The following COX10 variants were observed in gnomAD, a reference collection of about 807,000 sequenced individuals.
COX10 encodes the protein cytochrome c oxidase assembly factor heme A:farnesyltransferase COX10, also known as protoheme IX farnesyltransferase, mitochondrial.
Under a neutral mutation model 37.3 loss-of-function variants are expected in COX10, and 27 were observed. That is an observed-to-expected ratio of 0.72 (90% CI 0.53 to 1.00). The LOEUF is 1.00. COX10 is among the 50% of genes least tolerant of loss of function. COX10 has a pLI of 0.00. For synonymous variants in COX10, 222 were observed against 229.1 expected (o/e 0.97, Z 0.28); for missense variants, 475 against 563.2 (o/e 0.84, Z 1.59).
intron 4 of COX10, among the ~76,000 whole-genome samples, chr17:14,117,625 C>G (rs1916142446): frequency 6.6e-6 from 1 of 152,182 alleles, no homozygotes. Context: ...AACATGCAGA[C>G]AGGCAGGTGT....
intron 4 of COX10, among the ~76,000 whole-genome samples, chr17:14,119,775 T>A (rs1269859089): frequency 1.3e-5 from 2 of 151,722 alleles, no homozygotes; most frequent in African/African-American, 2.4e-5. Context: ...GAAAGGAGAG[T>A]GTTGAGTGAG....
intron 6 of COX10, among the ~76,000 whole-genome samples, chr17:14,197,690 A>G (rs1200000335): frequency 6.6e-6 from 1 of 152,058 alleles, no homozygotes; most frequent in Admixed American, 6.5e-5. Context: ...AATGAACTGT[A>G]AGCAGCTCAG....
At chr17:14,080,078 G>A (rs910151425) in intron 3 of COX10, among the ~76,000 whole-genome samples, 5 of 152,074 alleles carry the variant, frequency 3.3e-5, no homozygotes, top group Non-Finnish European at 5.9e-5. Context: ...TTGTACTCAC[G>A]TGAGTCTGCC....
At chr17:14,197,300 T>TGTG (rs1344361596) in intron 6 of COX10, among the ~76,000 whole-genome samples, 1 of 152,168 alleles carries the variant, frequency 6.6e-6, no homozygotes, top group Non-Finnish European at 1.5e-5. Context: ...TTGTGCTTTT[T>TGTG]GTGGTGGCTA....
intron 4 of COX10, among the ~76,000 whole-genome samples, chr17:14,131,879 C>G (rs1429054698): frequency 1.3e-5 from 2 of 151,888 alleles, no homozygotes; most frequent in Non-Finnish European, 2.9e-5. Flanking sequence ...GTACAAAGTC[C>G]TTTTCACTTA....
chr17:14,155,531 C>T (rs190185553), intron 4 of COX10, among the ~76,000 whole-genome samples: 37 of 151,780 alleles, frequency 2.4e-4, no homozygotes, highest in African/African-American at 7.2e-4. Flanking sequence ...CTGGCTAACA[C>T]GGTGAAACCC....
chr17:14,137,591 CATGTGGGTTATTAT>C (rs1904412074), intron 4 of COX10, among the ~76,000 whole-genome samples: 1 of 151,690 alleles, frequency 6.6e-6, no homozygotes, highest in South Asian at 2.1e-4. Context: ...TAATTCTTCC[CATGTGGGTTATTAT>C]ATATTTAATG....
At chr17:14,132,417 T>A (rs7213820) in intron 4 of COX10, among the ~76,000 whole-genome samples, 20,612 of 151,932 alleles carry the variant, frequency 0.14, 2,565 homozygotes, top group African/African-American at 0.33. Flanking sequence ...CACGAAGGTA[T>A]GATCCTTGTA....
chr17:14,168,904 CATT>C (rs1905371427), intron 5 of COX10, among the ~76,000 whole-genome samples: 1 of 152,238 alleles, frequency 6.6e-6, no homozygotes, highest in African/African-American at 2.4e-5. Flanking sequence ...TGGCAATTAA[CATT>C]ATGCTCTTCA....
At chr17:14,122,518 TGA>T in intron 4 of COX10, among the ~76,000 whole-genome samples, 1 of 152,134 alleles carries the variant, frequency 6.6e-6, no homozygotes, top group Non-Finnish European at 1.5e-5. Context: ...ATGATTCTGG[TGA>T]GAGATTTTTT....
At chr17:14,138,750 A>G (rs1904453967) in intron 4 of COX10, among the ~76,000 whole-genome samples, 1 of 152,156 alleles carries the variant, frequency 6.6e-6, no homozygotes, top group African/African-American at 2.4e-5. Context: ...TATTTTATAA[A>G]CAAGTGTCTT....
intron 5 of COX10, among the ~76,000 whole-genome samples, chr17:14,185,432 AAGGC>A (rs1197088750): frequency 6.6e-6 from 1 of 150,436 alleles, no homozygotes; most frequent in East Asian, 2.0e-4. Flanking sequence ...TATGAGCACT[AAGGC>A]AGAAAATCAT....
At chr17:14,085,991 G>T (rs536472885) in intron 3 of COX10, among the ~76,000 whole-genome samples, 102 of 152,196 alleles carry the variant, frequency 6.7e-4, no homozygotes, top group African/African-American at 2.4e-3. Context: ...GATTTGTATT[G>T]CTTTGTTGAT....
chr17:14,137,949 AGTT>A (rs1416872556), intron 4 of COX10, among the ~76,000 whole-genome samples: 4 of 94,224 alleles, frequency 4.2e-5, no homozygotes, highest in Non-Finnish European at 8.8e-5. Flanking sequence ...GACACAATTC[AGTT>A]TTTTTTTTTT....
rs79730216 is a variant in COX10, at chr17:14,074,963, C to G, written c.177+507C>G. Among the ~76,000 whole-genome samples, 634 of 152,180 alleles carry G rather than the reference C, an allele frequency of 4.2e-3. 22 individuals carry two copies. In the East Asian group the frequency reaches 0.074, roughly 18 times the overall value. ...TAGACATTGATAACATAAGTCAATC[C>G]AGGTTGACTCCATGAATTTGTGGGC... is the stretch of plus-strand genomic sequence containing the variant. On this transcript the variant is annotated intron_variant, in intron 2 of 6. Coordinates refer to ENST00000261643, the MANE Select transcript of COX10 (RefSeq NM_001303.4).
At chr17:14,176,174 G>A (rs1042413116) in intron 5 of COX10, among the ~76,000 whole-genome samples, 2 of 151,780 alleles carry the variant, frequency 1.3e-5, no homozygotes, top group African/African-American at 4.8e-5. Flanking sequence ...TCAAAATTCA[G>A]GCTGGCTACC....
At chr17:14,114,511 A>AT (rs1452974532) in intron 4 of COX10, among the ~76,000 whole-genome samples, 1 of 152,076 alleles carries the variant, frequency 6.6e-6, no homozygotes, top group Non-Finnish European at 1.5e-5. Flanking sequence ...TTCAGCATTC[A>AT]TTTTTAATAA....
At chr17:14,088,472 TTTC>T (rs1403118722) in intron 3 of COX10, among the ~76,000 whole-genome samples, 1 of 152,224 alleles carries the variant, frequency 6.6e-6, no homozygotes, top group African/African-American at 2.4e-5. Flanking sequence ...GCTACTCTGT[TTTC>T]TTATGATTTA....
intron 5 of COX10, among the ~76,000 whole-genome samples, chr17:14,187,634 A>C (rs968221911): frequency 6.6e-6 from 1 of 152,182 alleles, no homozygotes; most frequent in Non-Finnish European, 1.5e-5. Flanking sequence ...TCTGAATTGG[A>C]TGTATATTAC....
Sources: allele counts gnomAD v4.1 joint callset (sites outside exome capture counted in the v4.1 genomes callset), GRCh38; gene constraint gnomAD v4.1.1; transcripts MANE v1.5; gene names NCBI Gene and HGNC (gene_info 2026-07-23, HGNC 2026-07-21).